RIMBP2: variants seen among roughly 807,000 people sequenced by gnomAD.
The protein encoded by RIMBP2 is RIMS binding protein 2.
A neutral mutation model predicts 118.6 loss-of-function variants in RIMBP2; 48 were observed. The observed-to-expected ratio is 0.40, with a 90% CI of 0.32 to 0.51. RIMBP2 has a LOEUF of 0.51. RIMBP2 is among the 20% of genes least tolerant of loss of function. The pLI is 0.41. For missense variants in RIMBP2, 1,551 were observed against 1,768.3 expected (o/e 0.88, Z 2.20); for synonymous variants, 762 against 742.9 (o/e 1.03, Z -0.42).
intron 2 of RIMBP2, among the ~76,000 whole-genome samples, chr12:130,555,757 G>A (rs947803257): frequency 1.3e-5 from 2 of 152,188 alleles, no homozygotes; most frequent in South Asian, 2.1e-4. Flanking sequence ...GCTAAAACAC[G>A]AAACTGCTAG....
intron 16 of RIMBP2, among the ~76,000 whole-genome samples, chr12:130,423,152 T>C (rs1481807279): frequency 6.6e-6 from 1 of 152,208 alleles, no homozygotes; most frequent in African/African-American, 2.4e-5. Context: ...AATTCACCTT[T>C]AGATCAGGGT....
chr12:130,579,812 C>T (rs1379078006), intron 2 of RIMBP2, among the ~76,000 whole-genome samples: 1 of 151,898 alleles, frequency 6.6e-6, no homozygotes, highest in Non-Finnish European at 1.5e-5. Flanking sequence ...AAGGGTCCAA[C>T]AGTTCCCTGG....
intron 22 of RIMBP2, 85 bp downstream of exon 22, chr12:130,399,594 T>C (rs2074335389): frequency 7.4e-6 from 11 of 1,481,526 alleles, no homozygotes; most frequent in Admixed American, 5.8e-5. Context: ...CGGCCCAAGA[T>C]ATAAAAATAT....
intron 22 of RIMBP2, chr12:130,398,594 A>G (rs1033899735): frequency 4.6e-5 from 7 of 152,608 alleles, no homozygotes; most frequent in Admixed American, 3.9e-4. Context: ...GGAGGAGCAT[A>G]GCTCTCTCGT....
chr12:130,613,789 G>A (rs568015083), intron 2 of RIMBP2, among the ~76,000 whole-genome samples: 13 of 148,484 alleles, frequency 8.8e-5, no homozygotes, highest in Non-Finnish European at 1.8e-4. Flanking sequence ...ACTCCAGCCT[G>A]GGTGACAGAG....
At chr12:130,541,389 A>T (rs1426392546) in intron 2 of RIMBP2, among the ~76,000 whole-genome samples, 1 of 152,180 alleles carries the variant, frequency 6.6e-6, no homozygotes, top group African/African-American at 2.4e-5. Context: ...CTCCAGTCTG[A>T]TGCTGAGGCA....
At position 130,424,560 on chromosome 12, in the gene RIMBP2, T is replaced by A. The variant is rs2076645686; in HGVS notation, c.2711A>T (p.Asp904Val). The part of the protein sequence containing the change: ...VPHVEDFLLE[D>V]RGCRFSRSAT... ...CGAGCGGCTGAACCGACAGCCCCTG[T>A]CTTCCAGAAGGAAGTCCTCCACGTG... The change falls in exon 16 of 23, where the codon GAC becomes GTC. Residue 904 changes from aspartate to valine, a missense_variant. Physicochemically the swap from Asp to Val is radical, Grantham distance 152. This residue lies in a region of RIMBP2 where 1,038 missense variants were observed against 1,125.1 expected (regional missense o/e 0.92). Transcript: ENST00000690449. This position sits in a 1 kb window ranked among gnomAD's most constrained non-coding sequence, Gnocchi z 9.8. 8.1e-7 allele frequency: 1 copy of A among 1,231,990 alleles called. No individual in the cohort carries two copies. The highest frequency in any genetic ancestry group is 1.0e-6 in the Non-Finnish European group (1 of 987,858). The allele number at this position is 1,231,990 out of a possible 1,614,324, so 76.3% of individuals were successfully genotyped here.
chr12:130,499,187 A>T (rs1474641016), intron 4 of RIMBP2, among the ~76,000 whole-genome samples: 1 of 152,194 alleles, frequency 6.6e-6, no homozygotes, highest in Admixed American at 6.5e-5. Context: ...CACAACAGCA[A>T]GGGAGAAATC....
intron 4 of RIMBP2, among the ~76,000 whole-genome samples, chr12:130,489,170 C>T (rs747801547): frequency 6.6e-6 from 1 of 152,156 alleles, no homozygotes; most frequent in African/African-American, 2.4e-5. Context: ...TAACTTTTAC[C>T]CTTGTCTCTG....
intron 1 of RIMBP2, among the ~76,000 whole-genome samples, chr12:130,649,311 G>C (rs990433004): frequency 9.1e-6 from 1 of 109,468 alleles, no homozygotes; most frequent in African/African-American, 2.8e-5. Context: ...GCTCCCGGCC[G>C]GAGGCCGCTC....
intron 2 of RIMBP2, among the ~76,000 whole-genome samples, chr12:130,607,576 C>T (rs1382239895): frequency 6.6e-6 from 1 of 151,880 alleles, no homozygotes; most frequent in African/African-American, 2.4e-5. Flanking sequence ...GTGAGTTTCT[C>T]AGGGACAGGC....
intron 1 of RIMBP2, among the ~76,000 whole-genome samples, chr12:130,685,436 T>C (rs1371707167): frequency 6.6e-6 from 1 of 152,142 alleles, no homozygotes; most frequent in East Asian, 1.9e-4. Context: ...TCGGAGACAG[T>C]ATGTCCCTTT....
intron 1 of RIMBP2, among the ~76,000 whole-genome samples, chr12:130,635,753 G>C (rs1481140537): frequency 6.6e-6 from 1 of 152,140 alleles, no homozygotes; most frequent in Non-Finnish European, 1.5e-5. Flanking sequence ...TGGAAAGATG[G>C]GGCCCAGGGG....
intron 2 of RIMBP2, among the ~76,000 whole-genome samples, chr12:130,585,369 C>T (rs1423357001): frequency 2.0e-5 from 3 of 152,062 alleles, no homozygotes; most frequent in African/African-American, 7.2e-5. Context: ...GTCGAAAATT[C>T]GGTAGGAAAT....
chr12:130,585,757 C>G (rs1057089664), intron 2 of RIMBP2, among the ~76,000 whole-genome samples: 1 of 152,216 alleles, frequency 6.6e-6, no homozygotes, highest in Non-Finnish European at 1.5e-5. Flanking sequence ...CAGGCTGCCC[C>G]TGCAGGGAAG....
chr12:130,407,376 T>A (rs2075278210), intron 20 of RIMBP2, among the ~76,000 whole-genome samples: 1 of 152,180 alleles, frequency 6.6e-6, no homozygotes, highest in South Asian at 2.1e-4. Context: ...CTGCTTTGCT[T>A]TTGTTTGCTG....
At chr12:130,636,622 A>G (rs2062362324) in intron 1 of RIMBP2, among the ~76,000 whole-genome samples, 2 of 152,208 alleles carry the variant, frequency 1.3e-5, no homozygotes, top group Admixed American at 6.5e-5. Context: ...TATTGAAGAA[A>G]TGAATGGATG....
At position 130,645,058 on chromosome 12, in the gene RIMBP2, A is replaced by G. The variant is rs117784067; in HGVS notation, c.-351-16602T>C. Among the ~76,000 whole-genome samples, 1,492 of 152,156 alleles carry G rather than the reference A, an allele frequency of 9.8e-3. 21 individuals are homozygous for G. Among genetic ancestry groups the G allele is most frequent in the South Asian group, 0.069 (333 of 4,818 alleles). On this transcript the variant is annotated intron_variant, in intron 1 of 22. Transcript: ENST00000690449. ...GAAATCAGTTGTGGTTGGAGTGTTT[A>G]CACCACAGAAATAGGCAAAGACTAC...
rs182268978 is a variant in RIMBP2 at position 130,631,708 on chromosome 12, C to A, written c.-351-3252G>T. 3.8e-4 allele frequency among the ~76,000 whole-genome samples: 57 copies of A among 151,786 alleles called. 1 individual carries two copies. The highest frequency in any genetic ancestry group is 1.4e-3 in the African/African-American group (57 of 41,384). ...AAAAAAAAAAAAGTTACAATATTGG[C>A]AATTTTTACTATTATTTAAGAGCTT... On this transcript the variant is annotated intron_variant, in intron 1 of 22. Transcript: ENST00000690449.
Sources: gnomAD v4.1 joint callset for allele counts (sites outside exome capture counted in the v4.1 genomes callset) on GRCh38, gnomAD v4.1.1 for gene constraint, gnomAD v4.1.1 regional missense constraint, Gnocchi (gnomAD v3.1) non-coding constraint, MANE v1.5 for transcripts, NCBI Gene and HGNC (gene_info 2026-07-23, HGNC 2026-07-21) for gene names.